Variants in CCDC92 observed in about 807,000 individuals in gnomAD.
The protein encoded by CCDC92 is coiled-coil domain-containing protein 92.
Under a neutral mutation model 24.9 loss-of-function variants are expected in CCDC92, and 12 were observed. The observed-to-expected ratio is 0.48, with a 90% CI of 0.31 to 0.78. The LOEUF is 0.78. CCDC92 is among the 30% of genes least tolerant of loss of function. The pLI is 0.05. For synonymous variants in CCDC92, 193 were observed against 196.3 expected, an observed-to-expected ratio of 0.98 and a Z score of 0.14; for missense variants, 399 against 439.4, an observed-to-expected ratio of 0.91 and a Z score of 0.82.
At chr12:123,947,733 T>G (rs1955914496) in intron 1 of CCDC92, among the ~76,000 whole-genome samples, 1 of 152,056 alleles carries the variant, frequency 6.6e-6, no homozygotes, top group South Asian at 2.1e-4. Context: ...CTCTACCAAT[T>G]AGCAGGATGT....
intron 1 of CCDC92, among the ~76,000 whole-genome samples, chr12:123,955,289 G>C (rs1192068074): frequency 1.3e-5 from 2 of 152,236 alleles, no homozygotes; most frequent in African/African-American, 4.8e-5. Flanking sequence ...GGGGAAGTAA[G>C]CAGTTCATAT....
In CCDC92 at chr12:123,936,981, A is replaced by C; in HGVS notation, c.*77T>G. 3.9e-6 allele frequency: 6 copies of C among 1,538,042 alleles called. No individual in the cohort carries two copies. The South Asian group carries it at 7.0e-5, about 18-fold the overall frequency. On this transcript the variant is annotated 3_prime_UTR_variant, in exon 5 of 5. Transcript: ENST00000238156. Reference sequence around the variant, plus strand: ...AAAAGTGTTTGGCATGCATGGGATTAAACAGAAAAGGTGTGGCTGAGATTT... The same window carrying C: ...AAAAGTGTTTGGCATGCATGGGATTCAACAGAAAAGGTGTGGCTGAGATTT...
intron 1 of CCDC92, among the ~76,000 whole-genome samples, chr12:123,947,517 C>T (rs1195620354): frequency 6.6e-6 from 1 of 152,160 alleles, no homozygotes; most frequent in Non-Finnish European, 1.5e-5. Flanking sequence ...GGTTTGTAAA[C>T]ACACCAATCA....
intron 1 of CCDC92, among the ~76,000 whole-genome samples, chr12:123,953,651 G>A (rs756323383): frequency 6.6e-6 from 1 of 152,188 alleles, no homozygotes; most frequent in Non-Finnish European, 1.5e-5. Context: ...GGTGGCACAC[G>A]CCTGCGGTCC....
intron 1 of CCDC92, among the ~76,000 whole-genome samples, chr12:123,951,907 TCAA>T (rs1174115239): frequency 4.6e-5 from 7 of 152,330 alleles, no homozygotes; most frequent in African/African-American, 1.7e-4. Flanking sequence ...GAAGAAATCT[TCAA>T]CATCAGGCAT....
intron 4 of CCDC92, among the ~76,000 whole-genome samples, chr12:123,940,922 C>T (rs1472180374): frequency 3.3e-5 from 5 of 151,256 alleles, no homozygotes; most frequent in East Asian, 2.0e-4. Flanking sequence ...GGAGACGCCC[C>T]GACTGGAACC....
At position 123,938,347 on chromosome 12, in the gene CCDC92, T is replaced by TCA. The variant is rs112136206; in HGVS notation, c.224-519_224-518dup. On this transcript the variant is annotated intron_variant, in intron 4 of 4. Transcript: ENST00000238156. ...TCTCACCCCCCTACCCCCGTCTCTC[T>TCA]CACACACACACACACACAGACTCTT... Among the ~76,000 whole-genome samples the TCA allele has an allele frequency of 4.3e-3, 650 of 150,794 alleles. 2 individuals are homozygous for TCA. The highest frequency in any genetic ancestry group is 0.011 in the East Asian group (55 of 5,152).
intron 1 of CCDC92, among the ~76,000 whole-genome samples, chr12:123,948,798 A>G (rs1955949134): frequency 6.6e-6 from 1 of 152,256 alleles, no homozygotes. Flanking sequence ...TTTTCTCATC[A>G]GCTCAAAAGA....
intron 1 of CCDC92, among the ~76,000 whole-genome samples, chr12:123,949,906 G>A (rs973004919): frequency 6.6e-6 from 1 of 152,178 alleles, no homozygotes; most frequent in Non-Finnish European, 1.5e-5. Context: ...AGCTCAAGCC[G>A]AATTCCATCT....
chr12:123,970,065 C>G (rs754656416), intron 1 of CCDC92: 1 of 152,258 alleles, frequency 6.6e-6, no homozygotes, highest in East Asian at 1.9e-4. Flanking sequence ...TCTTCGATAG[C>G]AGGTGGGTCT....
chr12:123,949,034 G>A (rs1247558467), intron 1 of CCDC92, among the ~76,000 whole-genome samples: 1 of 152,164 alleles, frequency 6.6e-6, no homozygotes, highest in Non-Finnish European at 1.5e-5. Flanking sequence ...TTGGTCCCAA[G>A]AGGCTTAATT....
chr12:123,964,589 AAGT>A (rs1019991915), intron 1 of CCDC92, among the ~76,000 whole-genome samples: 18 of 152,350 alleles, frequency 1.2e-4, no homozygotes, highest in African/African-American at 3.8e-4. Flanking sequence ...TTCATACAAA[AAGT>A]AGAATTTTTT....
intron 1 of CCDC92, among the ~76,000 whole-genome samples, chr12:123,949,630 A>G (rs1168291934): frequency 1.3e-5 from 2 of 152,266 alleles, no homozygotes; most frequent in Non-Finnish European, 2.9e-5. Context: ...ATCAGGGCTC[A>G]AAGGTTAAGC....
At chr12:123,961,386 G>A (rs953380106) in intron 1 of CCDC92, 15 of 152,280 alleles carry the variant, frequency 9.9e-5, no homozygotes, top group Admixed American at 3.3e-4. Flanking sequence ...AGGATGGGCA[G>A]AGTTGGGACA....
In CCDC92 at chr12:123,937,795, T is replaced by C; in HGVS notation, c.259A>G (p.Arg87Gly). Residue 87 changes from arginine to glycine, a missense_variant, in exon 5 of 5, where the codon AGA (arginine) becomes GGA (glycine). Arg to Gly is a moderately radical substitution (Grantham distance 125). Coordinates refer to ENST00000238156, the MANE Select transcript of CCDC92 (RefSeq NM_025140.3). This position sits in a 1 kb window ranked among gnomAD's most constrained non-coding sequence, Gnocchi z 8.4. ...AGTTGGGCTTCCAGCTCTTCACATC[T>C]TTTCTTTAATTCACTGCTTTTAGAA... ...GTSKSSELKK[R>G]CEELEAQLKV... 1 of 1,612,016 alleles carries C rather than the reference T, an allele frequency of 6.2e-7. No individual in the cohort carries two copies.
chr12:123,953,207 C>CT (rs1956067776), intron 1 of CCDC92, among the ~76,000 whole-genome samples: 1 of 146,998 alleles, frequency 6.8e-6, no homozygotes, highest in South Asian at 2.1e-4. Flanking sequence ...AGGCACATCT[C>CT]TAAAAGCTAG....
chr12:123,971,369 C>A (rs565077243), intron 1 of CCDC92: 2 of 150,006 alleles, frequency 1.3e-5, no homozygotes, highest in South Asian at 4.2e-4. Flanking sequence ...ACGTTAGCAT[C>A]TTTTTCCTTA....
chr12:123,966,576 C>G (rs908096252), intron 1 of CCDC92: 1 of 152,228 alleles, frequency 6.6e-6, no homozygotes, highest in African/African-American at 2.4e-5. Context: ...CTCTAAAGTT[C>G]TGCTTGCTAC....
In CCDC92 at chr12:123,955,013, G is replaced by A. The variant is rs534393068; in HGVS notation, c.-59-10649C>T. 2.0e-5 allele frequency among the ~76,000 whole-genome samples: 3 copies of A among 152,340 alleles called. No individual in the cohort carries two copies. The South Asian group carries it at 6.2e-4, about 32-fold the overall frequency. ...TGACCGATGGGGCCATGGAGGTGCTGCTCAGGCCCTTCCTGCCCTCCGTGC... is the reference window on the plus strand; with the variant it reads ...TGACCGATGGGGCCATGGAGGTGCTACTCAGGCCCTTCCTGCCCTCCGTGC... On this transcript the variant is annotated intron_variant, in intron 1 of 4. Transcript: ENST00000238156.
Sources: gnomAD v4.1 joint callset for allele counts (sites outside exome capture counted in the v4.1 genomes callset) on GRCh38, gnomAD v4.1.1 for gene constraint, Gnocchi (gnomAD v3.1) non-coding constraint, MANE v1.5 for transcripts, NCBI Gene and HGNC (gene_info 2026-07-23, HGNC 2026-07-21) for gene names.